The following NAA35 variants were observed in gnomAD, a reference collection of about 807,000 sequenced individuals.
NAA35 encodes the protein MAK10 homolog, amino-acid N-acetyltransferase subunit.
NAA35 carries 18 observed loss-of-function variants against 101.7 expected under a neutral mutation model. That is an observed-to-expected ratio of 0.18 (90% confidence interval 0.12 to 0.26). The LOEUF (loss-of-function observed/expected upper bound fraction) is 0.26. Ranked by LOEUF, NAA35 falls within the 10% of genes least tolerant of loss-of-function variation. NAA35 has a pLI of 1.00. For missense variants in NAA35, 601 were observed against 886.8 expected (o/e 0.68, Z 4.09); for synonymous variants, 267 against 273.1 (o/e 0.98, Z 0.22).
At chr9:85,947,683 A>G (rs972967577) in intron 2 of NAA35, among the ~76,000 whole-genome samples, 16 of 152,208 alleles carry the variant, frequency 1.1e-4, no homozygotes, top group Non-Finnish European at 1.6e-4. Flanking sequence ...TGCCAGGTAT[A>G]CTGCTCATTC....
At chr9:85,978,406 CTT>C in intron 11 of NAA35, 25 bp downstream of exon 11, 1 of 1,438,370 alleles carries the variant, frequency 7.0e-7, no homozygotes, top group Non-Finnish European at 9.8e-7. Flanking sequence ...TGCTCCTACT[CTT>C]TCTTTTCTTC....
At chr9:85,988,924 C>T (rs1018200680) in intron 11 of NAA35, among the ~76,000 whole-genome samples, 6 of 152,094 alleles carry the variant, frequency 3.9e-5, no homozygotes, top group East Asian at 1.9e-4. Context: ...ATATGATTGG[C>T]GTCCCTTAAG....
intron 6 of NAA35, among the ~76,000 whole-genome samples, chr9:85,970,051 C>T (rs993567969): frequency 6.6e-6 from 1 of 152,200 alleles, no homozygotes; most frequent in Non-Finnish European, 1.5e-5. Flanking sequence ...GTAGTCATCA[C>T]TCCATCCTCA....
chr9:85,989,198 C>T (rs985680846), intron 11 of NAA35, among the ~76,000 whole-genome samples: 5 of 152,096 alleles, frequency 3.3e-5, no homozygotes, highest in South Asian at 2.1e-4. Context: ...ACCTGCTGGG[C>T]GTGGTGGCTC....
At chr9:85,991,950 G>A (rs1830931650) in intron 11 of NAA35, among the ~76,000 whole-genome samples, 1 of 152,036 alleles carries the variant, frequency 6.6e-6, no homozygotes, top group Non-Finnish European at 1.5e-5. Context: ...CAAGGCAGGC[G>A]GATCACGAGG....
intron 3 of NAA35, among the ~76,000 whole-genome samples, 185 bp downstream of exon 3, chr9:85,956,578 G>C (rs1829285014): frequency 6.6e-6 from 1 of 152,102 alleles, no homozygotes; most frequent in Non-Finnish European, 1.5e-5. Context: ...TAGTTGTGAT[G>C]TGAAATGGTT....
At chr9:85,992,885 ACT>A (rs568868482) in intron 11 of NAA35, among the ~76,000 whole-genome samples, 25 of 152,298 alleles carry the variant, frequency 1.6e-4, no homozygotes, top group Non-Finnish European at 3.5e-4. Flanking sequence ...TAGGAATAAC[ACT>A]CTAAACATAC....
At chr9:85,966,816 A>G in intron 6 of NAA35, 1 of 300,624 alleles carries the variant, frequency 3.3e-6, no homozygotes, top group South Asian at 4.8e-5. Context: ...AGCCTTAAAG[A>G]AATAATTAGG....
chr9:85,965,926 G>T (rs1829724402), intron 6 of NAA35, among the ~76,000 whole-genome samples: 1 of 152,060 alleles, frequency 6.6e-6, no homozygotes, highest in Non-Finnish European at 1.5e-5. Flanking sequence ...AAGTTTTTTA[G>T]TAACAGAAGA....
At position 86,016,019 on chromosome 9, in the gene NAA35, T is replaced by TTA. The variant is rs145934950; in HGVS notation, c.1569-506_1569-505dup. Among the ~76,000 whole-genome samples the TTA allele has an allele frequency of 1.5e-3, 224 of 150,402 alleles. 4 individuals are homozygous for TTA. The South Asian group carries it at 0.033, about 22-fold the overall frequency. On this transcript the variant is annotated intron_variant, in intron 17 of 22. Coordinates refer to ENST00000361671, the MANE Select transcript of NAA35 (RefSeq NM_024635.4). ...TATGTTATGAAATGCATATATATTT[T>TTA]TATATATATATATATCTCGTAGATT...
chr9:85,957,356 A>G (rs1829320609), intron 3 of NAA35, among the ~76,000 whole-genome samples: 1 of 152,230 alleles, frequency 6.6e-6, no homozygotes. Flanking sequence ...TGAGGAAGGA[A>G]GAGGAAGTTA....
intron 18 of NAA35, 87 bp from the exon 19 acceptor site, chr9:86,017,411 T>C: frequency 8.0e-7 from 1 of 1,244,690 alleles, no homozygotes; most frequent in Non-Finnish European, 1.1e-6. Flanking sequence ...AGCTGAAAGA[T>C]TTTTTAAAAT....
At chr9:86,016,439 G>T in intron 17 of NAA35, 100 bp from the exon 18 acceptor site, 1 of 981,488 alleles carries the variant, frequency 1.0e-6, no homozygotes, top group Non-Finnish European at 1.5e-6. Context: ...TGTTTTTAAA[G>T]ACCTAAAGCA....
intron 11 of NAA35, among the ~76,000 whole-genome samples, chr9:85,989,836 C>T (rs898171453): frequency 2.0e-5 from 3 of 152,094 alleles, no homozygotes; most frequent in Admixed American, 1.3e-4. Flanking sequence ...CAGGAAGTAA[C>T]GGGGAAGACT....
intron 11 of NAA35, among the ~76,000 whole-genome samples, chr9:85,981,315 T>C (rs1424591363): frequency 6.6e-6 from 1 of 152,162 alleles, no homozygotes; most frequent in East Asian, 1.9e-4. Context: ...GCAATAATAC[T>C]TTTATGAAAA....
At position 85,977,381 on chromosome 9, in the gene NAA35, G is replaced by A; in HGVS notation, c.697G>A (p.Val233Ile). The change falls in exon 10 of 23, where the codon GTA (valine) becomes ATA (isoleucine). Residue 233 changes from valine (V) to isoleucine (I), a missense_variant. Val to Ile is a conservative substitution (Grantham distance 29). Transcript: ENST00000361671. ...TTTTTAGCACCAACAATGTTTAGCA[G>A]TATTCAGCAGAGTGAAATTTACTCG... is the stretch of plus-strand genomic sequence containing the variant. ...VELEHQQCLAVFSRVKFTRVL... is the reference protein window; with the variant it reads ...VELEHQQCLAIFSRVKFTRVL... 6.2e-7 allele frequency: 1 copy of A among 1,612,084 alleles called. No individual in the cohort carries two copies. Among genetic ancestry groups the A allele is most frequent in the South Asian group, 1.1e-5 (1 of 91,030 alleles).
intron 2 of NAA35, among the ~76,000 whole-genome samples, chr9:85,946,684 A>AT (rs111378968): frequency 0.26 from 37,321 of 145,962 alleles, 4,702 homozygotes; most frequent in East Asian, 0.42. Context: ...TTTTTTTGCG[A>AT]TTTTTTTTTT....
At chr9:86,021,224 A>G (rs1456461364) in intron 22 of NAA35, among the ~76,000 whole-genome samples, 5 of 152,156 alleles carry the variant, frequency 3.3e-5, no homozygotes, top group Non-Finnish European at 7.4e-5. Context: ...AACTTGGGGT[A>G]AAAAAAGAAA....
At chr9:86,021,260 G>A (rs1463189033) in intron 22 of NAA35, among the ~76,000 whole-genome samples, 2 of 152,228 alleles carry the variant, frequency 1.3e-5, no homozygotes, top group African/African-American at 2.4e-5. Context: ...TTTTATGGGA[G>A]AAGTATGAGG....
Sources: gnomAD v4.1 joint callset for allele counts (sites outside exome capture counted in the v4.1 genomes callset) on GRCh38, gnomAD v4.1.1 for gene constraint, MANE v1.5 for transcripts, NCBI Gene and HGNC (gene_info 2026-07-23, HGNC 2026-07-21) for gene names.